The following MACROD2 variants were observed in gnomAD, a reference collection of about 807,000 sequenced individuals.
MACROD2 encodes mono-ADP ribosylhydrolase 2.
A neutral mutation model predicts 70.4 loss-of-function variants in MACROD2; 36 were observed. That is an observed-to-expected ratio of 0.51 (90% CI 0.39 to 0.68). The LOEUF is 0.68. Among genes scored for constraint, MACROD2 ranks in the 30% least tolerant of loss-of-function variants. The pLI is 0.00. For missense variants in MACROD2, 496 were observed against 538.4 expected, an observed-to-expected ratio of 0.92 and a Z score of 0.78; for synonymous variants, 172 against 178.8, an observed-to-expected ratio of 0.96 and a Z score of 0.30.
chr20:14,604,708 G>A (rs1398295673), intron 4 of MACROD2, among the ~76,000 whole-genome samples: 1 of 152,046 alleles, frequency 6.6e-6, no homozygotes, highest in Non-Finnish European at 1.5e-5. Context: ...ATCTTGATAG[G>A]TCTCCCAAAG....
intron 8 of MACROD2, among the ~76,000 whole-genome samples, chr20:15,670,970 A>G (rs1334906872): frequency 2.6e-5 from 4 of 152,248 alleles, no homozygotes; most frequent in Admixed American, 6.5e-5. Context: ...AGAAAAATGT[A>G]TAAGCTAGTT....
intron 3 of MACROD2, among the ~76,000 whole-genome samples, chr20:14,407,987 G>A (rs1164114738): frequency 1.3e-5 from 2 of 152,060 alleles, no homozygotes; most frequent in African/African-American, 2.4e-5. Flanking sequence ...GAAAGAGCAG[G>A]CCCTGAAACC....
intron 6 of MACROD2, among the ~76,000 whole-genome samples, chr20:15,230,620 G>C (rs1011518001): frequency 6.6e-6 from 1 of 152,090 alleles, no homozygotes; most frequent in Non-Finnish European, 1.5e-5. Context: ...TATTCTGTAG[G>C]TGGTAGCTGG....
intron 8 of MACROD2, among the ~76,000 whole-genome samples, chr20:15,569,660 C>G (rs548799405): frequency 6.6e-6 from 1 of 152,072 alleles, no homozygotes; most frequent in Non-Finnish European, 1.5e-5. Flanking sequence ...TTTTCTGTGC[C>G]TGGCTTATTT....
At chr20:15,427,758 G>A (rs1030225711) in intron 6 of MACROD2, among the ~76,000 whole-genome samples, 14 of 152,268 alleles carry the variant, frequency 9.2e-5, no homozygotes, top group Admixed American at 8.5e-4. Context: ...TGGGTGAGGT[G>A]GCTTTTTATA....
Position 15,564,263 on chromosome 20 carries a change from A to G in MACROD2, c.645+64416A>G, listed in dbSNP as rs74670467. 3.3e-3 allele frequency among the ~76,000 whole-genome samples: 503 copies of G among 152,260 alleles called. 18 individuals are homozygous for G. The East Asian group carries it at 0.084, about 26-fold the overall frequency. Reference sequence around the variant, plus strand: ...CTAGGAACCTTCGCTCATTTTTGTCACTATCTGTCTATGCTACCCGACGTA... The same window carrying G: ...CTAGGAACCTTCGCTCATTTTTGTCGCTATCTGTCTATGCTACCCGACGTA... On this transcript the variant is annotated intron_variant, in intron 8 of 17. Coordinates refer to ENST00000684519, the MANE Select transcript of MACROD2 (RefSeq NM_001351661.2).
intron 4 of MACROD2, among the ~76,000 whole-genome samples, chr20:14,542,946 AATT>A (rs67565738): frequency 0.4 from 60,800 of 151,780 alleles, 12,725 homozygotes; most frequent in East Asian, 0.64. Flanking sequence ...TGAAATGGTA[AATT>A]ATTATAATTT....
intron 8 of MACROD2, 134 bp downstream of exon 8, chr20:15,499,981 C>T: frequency 1.3e-6 from 1 of 742,046 alleles, no homozygotes; most frequent in Non-Finnish European, 2.2e-6. Context: ...GACCATTCTT[C>T]ACTTGGGTTA....
chr20:14,760,963 A>T (rs1014452784), intron 5 of MACROD2, among the ~76,000 whole-genome samples: 1 of 151,944 alleles, frequency 6.6e-6, no homozygotes, highest in African/African-American at 2.4e-5. Flanking sequence ...GTTCTCTTTG[A>T]TTTTTTTGCA....
intron 8 of MACROD2, among the ~76,000 whole-genome samples, chr20:15,525,798 T>C (rs1449838639): frequency 6.6e-6 from 1 of 152,174 alleles, no homozygotes; most frequent in Non-Finnish European, 1.5e-5. Context: ...CAACCTCTTT[T>C]TATATAAACT....
At chr20:15,479,265 CTTTTTTTTTT>C (rs767435610) in intron 7 of MACROD2, among the ~76,000 whole-genome samples, 6 of 87,762 alleles carry the variant, frequency 6.8e-5, no homozygotes, top group Admixed American at 2.6e-4. Context: ...TTCTCGCTCT[CTTTTTTTTTT>C]TTTTTTTTTT....
intron 8 of MACROD2, among the ~76,000 whole-genome samples, chr20:15,688,570 G>C (rs2050257718): frequency 6.6e-6 from 1 of 152,176 alleles, no homozygotes; most frequent in African/African-American, 2.4e-5. Context: ...AATATGTGAA[G>C]AATATTGAAT....
chr20:15,816,998 G>A (rs1488278200), intron 8 of MACROD2, among the ~76,000 whole-genome samples: 5 of 152,130 alleles, frequency 3.3e-5, no homozygotes, highest in African/African-American at 4.8e-5. Context: ...AACGATGCTC[G>A]TTACCTGATC....
At chr20:15,459,413 T>G (rs1305166098) in intron 7 of MACROD2, among the ~76,000 whole-genome samples, 1 of 152,126 alleles carries the variant, frequency 6.6e-6, no homozygotes, top group Non-Finnish European at 1.5e-5. Flanking sequence ...ATTTAACATC[T>G]GAAACAGCTT....
intron 6 of MACROD2, among the ~76,000 whole-genome samples, chr20:15,265,290 A>G (rs1324616974): frequency 6.6e-6 from 1 of 151,974 alleles, no homozygotes; most frequent in Non-Finnish European, 1.5e-5. Context: ...ACTTCCATTC[A>G]CTCTTCCAGG....
intron 12 of MACROD2, among the ~76,000 whole-genome samples, chr20:15,943,535 A>G (rs2065779253): frequency 6.6e-6 from 1 of 152,194 alleles, no homozygotes; most frequent in Non-Finnish European, 1.5e-5. Context: ...CCTTAAGTGT[A>G]GAATGAAAGT....
At chr20:16,021,986 G>C (rs182908530) in intron 15 of MACROD2, among the ~76,000 whole-genome samples, 66 of 151,790 alleles carry the variant, frequency 4.3e-4, no homozygotes, top group African/African-American at 1.5e-3. Context: ...TGGGTATTGT[G>C]GTCATTTAGC....
chr20:15,118,061 G>A (rs1322110), intron 5 of MACROD2, among the ~76,000 whole-genome samples: 134,169 of 151,950 alleles, frequency 0.88, 59,408 homozygotes, highest in East Asian at 1. Flanking sequence ...ACCCTTTTAT[G>A]TTGCATCAAA....
At chr20:14,284,991 G>T (rs893948172) in intron 3 of MACROD2, among the ~76,000 whole-genome samples, 5 of 152,038 alleles carry the variant, frequency 3.3e-5, no homozygotes. Flanking sequence ...ATTCTTAGAA[G>T]TCATCAAAAA....
Sources: gnomAD v4.1 joint callset for allele counts (sites outside exome capture counted in the v4.1 genomes callset) on GRCh38, gnomAD v4.1.1 for gene constraint, MANE v1.5 for transcripts, NCBI Gene and HGNC (gene_info 2026-07-23, HGNC 2026-07-21) for gene names.